CPB2: variants seen among roughly 807,000 people sequenced by gnomAD.
CPB2 encodes carboxypeptidase B2.
In CPB2, 54 loss-of-function variants were observed where a neutral mutation model predicts 57.0. The ratio of observed to expected loss-of-function variants is 0.95; its 90% CI spans 0.76 to 1.19. The LOEUF is 1.19. Among genes scored for constraint, CPB2 ranks in the 50% most tolerant of loss-of-function variants. The probability of loss-of-function intolerance (pLI) is 0.00; values close to 1 mark genes in which losing one functional copy is unlikely to be tolerated. For synonymous variants in CPB2, 189 were observed against 178.1 expected (o/e 1.06, Z -0.49); for missense variants, 426 against 512.0 (o/e 0.83, Z 1.62).
At chr13:46,097,348 T>A (rs1399082767) in intron 1 of CPB2, 2 of 152,232 alleles carry the variant, frequency 1.3e-5, no homozygotes, top group Non-Finnish European at 2.9e-5. Context: ...AGACCAAAGT[T>A]GAGCCCCGGA....
intron 5 of CPB2, among the ~76,000 whole-genome samples, chr13:46,077,770 T>C (rs184083282): frequency 6.6e-6 from 1 of 152,232 alleles, no homozygotes; most frequent in East Asian, 1.9e-4. Flanking sequence ...AAATGGAATA[T>C]TACTCAGGCA....
At chr13:46,101,804 C>T (rs1041404211) in intron 1 of CPB2, among the ~76,000 whole-genome samples, 1 of 152,176 alleles carries the variant, frequency 6.6e-6, no homozygotes, top group Non-Finnish European at 1.5e-5. Flanking sequence ...AATCCAGATC[C>T]TGAGCTTTTA....
intron 3 of CPB2, among the ~76,000 whole-genome samples, 185 bp from the exon 4 acceptor site, chr13:46,082,734 A>G (rs1284648837): frequency 1.3e-5 from 2 of 152,238 alleles, no homozygotes; most frequent in Non-Finnish European, 2.9e-5. Flanking sequence ...CCCTTTCAGT[A>G]GAGCCTACAT....
At chr13:46,104,481 A>G (rs2045470614) in intron 1 of CPB2, among the ~76,000 whole-genome samples, 2 of 152,188 alleles carry the variant, frequency 1.3e-5, no homozygotes, top group African/African-American at 2.4e-5. Flanking sequence ...TTCATATTCC[A>G]TGCTAAATAA....
chr13:46,084,119 A>T, intron 3 of CPB2, 100 bp downstream of exon 3: 1 of 1,389,938 alleles, frequency 7.2e-7, no homozygotes, highest in Non-Finnish European at 9.9e-7. Flanking sequence ...TGCCATGGTT[A>T]ATACATTTTA....
At chr13:46,097,336 G>A (rs1049066891) in intron 1 of CPB2, 5 of 152,206 alleles carry the variant, frequency 3.3e-5, no homozygotes, top group Non-Finnish European at 5.9e-5. Flanking sequence ...TGCCAGCAAC[G>A]GAGACCAAAG....
At chr13:46,095,768 A>G (rs915024728) in intron 1 of CPB2, among the ~76,000 whole-genome samples, 8 of 150,984 alleles carry the variant, frequency 5.3e-5, no homozygotes, top group Non-Finnish European at 1.0e-4. Context: ...CTAATACCAC[A>G]TTTCCCACTG....
intron 1 of CPB2, chr13:46,100,417 C>T (rs1417528668): frequency 6.6e-6 from 1 of 152,110 alleles, no homozygotes; most frequent in East Asian, 1.9e-4. Context: ...TGACTGCTTC[C>T]CCTTACTTAG....
chr13:46,083,473 G>T (rs2045150996), intron 3 of CPB2, among the ~76,000 whole-genome samples: 1 of 151,842 alleles, frequency 6.6e-6, no homozygotes, highest in South Asian at 2.1e-4. Flanking sequence ...ATTATCCAGG[G>T]GGCACCCATT....
At chr13:46,102,551 A>AAAC (rs2045448250) in intron 1 of CPB2, among the ~76,000 whole-genome samples, 1 of 148,664 alleles carries the variant, frequency 6.7e-6, no homozygotes, top group South Asian at 2.1e-4. Context: ...AAAAAAAAAA[A>AAAC]AAAAAACAAA....
In CPB2 at chr13:46,053,739, T is replaced by C. The variant is rs762733385; in HGVS notation, c.1147A>G (p.Thr383Ala). 6.2e-6 allele frequency: 10 copies of C among 1,614,046 alleles called. No individual in the cohort carries two copies. Among genetic ancestry groups the C allele is most frequent in the Non-Finnish European group, 7.6e-6 (9 of 1,180,026 alleles). ...GTGCCCGTATCTCGAAGTTCAATTG[T>C]AAACGAATATTTGATGCCCAAATCA... ...IYDLGIKYSF[T>A]IELRDTGTYG... Residue 383 changes from threonine (T) to alanine (A), a missense_variant, in exon 11 of 11, where the codon ACA becomes GCA. Physicochemically the swap from Thr to Ala is moderately conservative, Grantham distance 58. Coordinates refer to ENST00000181383, the MANE Select transcript of CPB2 (RefSeq NM_001872.5).
rs9316179 is a variant in CPB2, at chr13:46,067,331, A to G, written c.678T>C (p.Asp226=). 488,953 of 1,553,388 alleles carry G rather than the reference A, an allele frequency of 0.31. 79,287 individuals are homozygous for G. Among genetic ancestry groups the G allele is most frequent in the African/African-American group, 0.39 (28,481 of 73,460 alleles). ...CCTTTTTCCATGAGTAGTCATAACC[A>G]TCCACATTAACCACTGGCATAACAT... ...DFYVMPVVNV[D]GYDYSWKKNR... The change falls in exon 7 of 11, where the codon GAT becomes GAC. Residue 226 remains aspartate, a synonymous_variant. Coordinates refer to ENST00000181383, the MANE Select transcript of CPB2 (RefSeq NM_001872.5).
chr13:46,091,082 AC>A (rs750585140), intron 1 of CPB2, among the ~76,000 whole-genome samples: 15 of 152,214 alleles, frequency 9.9e-5, no homozygotes, highest in Non-Finnish European at 2.1e-4. Flanking sequence ...GTAAATGGTA[AC>A]TTTTAACATG....
chr13:46,077,600 G>C (rs2045042613), intron 5 of CPB2, among the ~76,000 whole-genome samples: 3 of 152,060 alleles, frequency 2.0e-5, no homozygotes, highest in Admixed American at 2.0e-4. Context: ...AAGGAAATCA[G>C]TATATCAAAA....
Position 46,087,741 on chromosome 13 carries a change from T to G in CPB2, c.150+4A>C. On this transcript the variant is annotated splice_donor_region_variant and intron_variant, in intron 2 of 10. Transcript: ENST00000181383. Reference sequence around the variant, plus strand: ...AATATAAACATAAATTAGGGAGAAATTACCTCATATGTTGTAGTAAGATTC... The same window carrying G: ...AATATAAACATAAATTAGGGAGAAAGTACCTCATATGTTGTAGTAAGATTC... The G allele has an allele frequency of 6.3e-7, 1 of 1,589,680 alleles. No homozygotes were observed. Among genetic ancestry groups the G allele is most frequent in the Non-Finnish European group, 8.6e-7 (1 of 1,160,918 alleles).
At chr13:46,098,959 A>G (rs1462732267) in intron 1 of CPB2, 1 of 152,220 alleles carries the variant, frequency 6.6e-6, no homozygotes, top group Non-Finnish European at 1.5e-5. Context: ...ACAAATGCCT[A>G]TTCTGTGAGA....
intron 1 of CPB2, among the ~76,000 whole-genome samples, chr13:46,104,001 C>G (rs2045465828): frequency 6.6e-6 from 1 of 152,234 alleles, no homozygotes. Context: ...GATCAATCAA[C>G]TATAATCAGT....
intron 7 of CPB2, among the ~76,000 whole-genome samples, chr13:46,066,606 AG>A (rs1433890705): frequency 6.6e-6 from 1 of 152,162 alleles, no homozygotes; most frequent in Non-Finnish European, 1.5e-5. Flanking sequence ...GCACGTTGGG[AG>A]GCCGAGGCAG....
intron 1 of CPB2, among the ~76,000 whole-genome samples, chr13:46,089,450 C>T (rs1003843448): frequency 3.3e-5 from 5 of 152,058 alleles, no homozygotes; most frequent in African/African-American, 7.2e-5. Context: ...TCTCATCCTG[C>T]GGCCAGAAGC....
Sources: gnomAD v4.1 joint callset for allele counts (sites outside exome capture counted in the v4.1 genomes callset) on GRCh38, gnomAD v4.1.1 for gene constraint, MANE v1.5 for transcripts, NCBI Gene and HGNC (gene_info 2026-07-23, HGNC 2026-07-21) for gene names.